Variants in JMJD1C observed in about 807,000 individuals in gnomAD.
JMJD1C encodes the protein jumonji domain containing 1C, also known as jumonji domain-containing protein 1C.
In JMJD1C, 31 loss-of-function variants were observed where a neutral mutation model predicts 245.3. That is an observed-to-expected ratio of 0.13 (90% CI 0.09 to 0.17). The LOEUF is 0.17. Ranked by LOEUF, JMJD1C falls within the 10% of genes least tolerant of loss-of-function variation. The probability of loss-of-function intolerance (pLI) is 1.00; values close to 1 mark genes in which losing one functional copy is unlikely to be tolerated. For missense variants in JMJD1C, 2,691 were observed against 3,000.2 expected (o/e 0.90, Z 2.41); for synonymous variants, 1,057 against 1,017.4 (o/e 1.04, Z -0.74).
At chr10:63,211,464 CAAAAA>C (rs71025124) in intron 8 of JMJD1C, among the ~76,000 whole-genome samples, 1 of 103,444 alleles carries the variant, frequency 9.7e-6, no homozygotes. Context: ...GACTCCATCT[CAAAAA>C]AAAAAAAAAA....
chr10:63,315,992 G>A lies in JMJD1C; in HGVS notation c.334-51228C>T, dbSNP rs190307630. Among the ~76,000 whole-genome samples the A allele has an allele frequency of 3.3e-4, 50 of 151,938 alleles. No individual in the cohort carries two copies. The East Asian group carries it at 8.9e-3, about 27-fold the overall frequency. On this transcript the variant is annotated intron_variant, in intron 2 of 25. Coordinates refer to ENST00000399262, the MANE Select transcript of JMJD1C (RefSeq NM_032776.3). ...AAAATAAGCCCTGGCAAAATAGTGA[G>A]ACCCCTGTCTCCTTAAAAAATAAAA...
chr10:63,221,560 T>C (rs1345210523), intron 3 of JMJD1C, among the ~76,000 whole-genome samples: 2 of 152,160 alleles, frequency 1.3e-5, no homozygotes, highest in African/African-American at 4.8e-5. Flanking sequence ...AAATGGGCAT[T>C]AACATGTCTT....
intron 1 of JMJD1C, among the ~76,000 whole-genome samples, chr10:63,389,732 A>G (rs917028332): frequency 2.0e-5 from 3 of 152,160 alleles, no homozygotes; most frequent in African/African-American, 7.2e-5. Flanking sequence ...AGAAATCAAC[A>G]AAGAGGAACT....
At chr10:63,247,717 G>A (rs1488514848) in intron 3 of JMJD1C, among the ~76,000 whole-genome samples, 4 of 19,746 alleles carry the variant, frequency 2.0e-4, no homozygotes, top group African/African-American at 6.3e-4. Context: ...GGGTGACAGA[G>A]CCAAAAAAAA....
At chr10:63,260,302 T>C (rs1201885800) in intron 3 of JMJD1C, among the ~76,000 whole-genome samples, 1 of 152,104 alleles carries the variant, frequency 6.6e-6, no homozygotes, top group Admixed American at 6.5e-5. Context: ...GCCAGGTTAG[T>C]TGGTATGAAT....
At chr10:63,440,078 A>C (rs1951279739) in intron 1 of JMJD1C, among the ~76,000 whole-genome samples, 1 of 152,182 alleles carries the variant, frequency 6.6e-6, no homozygotes, top group Non-Finnish European at 1.5e-5. Context: ...TTTTTCAGTA[A>C]CTATTGCCCA....
intron 1 of JMJD1C, among the ~76,000 whole-genome samples, chr10:63,384,895 T>C (rs764532468): frequency 1.3e-5 from 2 of 152,210 alleles, no homozygotes; most frequent in Non-Finnish European, 2.9e-5. Flanking sequence ...AATAACAACT[T>C]GTCTAACTGT....
chr10:63,236,964 C>T (rs1850801250), intron 3 of JMJD1C, among the ~76,000 whole-genome samples: 1 of 123,546 alleles, frequency 8.1e-6, no homozygotes, highest in Non-Finnish European at 1.7e-5. Context: ...TATTTAAAAA[C>T]AACTAATATT....
chr10:63,521,657 G>A, intron 1 of JMJD1C: 3 of 1,096,474 alleles, frequency 2.7e-6, no homozygotes, highest in Non-Finnish European at 3.6e-6. Context: ...GAGAGGAAAG[G>A]GAAGGCCTGG....
In JMJD1C at chr10:63,300,757, T is replaced by C. The variant is rs186262489; in HGVS notation, c.334-35993A>G. Among the ~76,000 whole-genome samples the C allele has an allele frequency of 2.4e-3, 364 of 152,114 alleles. 2 individuals are homozygous for C. In the South Asian group the frequency reaches 0.029, roughly 12 times the overall value. ...AAGTACAAAAATTAGCTGGATGCTG[T>C]GGCATGCACCTGTAGTCCCAGCTAC... On this transcript the variant is annotated intron_variant, in intron 2 of 25. Transcript: ENST00000399262.
At chr10:63,458,764 C>T (rs1952587693) in intron 1 of JMJD1C, among the ~76,000 whole-genome samples, 2 of 150,200 alleles carry the variant, frequency 1.3e-5, no homozygotes, top group Admixed American at 6.7e-5. Flanking sequence ...CACTTTGTCA[C>T]CCAGGCTAGA....
chr10:63,190,438 G>A (rs1176521432), intron 17 of JMJD1C, among the ~76,000 whole-genome samples: 3 of 152,252 alleles, frequency 2.0e-5, no homozygotes, highest in East Asian at 3.9e-4. Context: ...TCCTGACCTC[G>A]TGATCCAGCC....
intron 2 of JMJD1C, among the ~76,000 whole-genome samples, chr10:63,376,663 A>C (rs1367517358): frequency 6.6e-6 from 1 of 152,240 alleles, no homozygotes; most frequent in African/African-American, 2.4e-5. Context: ...GCCAAGAAGC[A>C]CATGAAAAGA....
intron 2 of JMJD1C, among the ~76,000 whole-genome samples, chr10:63,378,433 T>C (rs1946946986): frequency 6.6e-6 from 1 of 151,418 alleles, no homozygotes. Flanking sequence ...CTACTGAAAA[T>C]ACAAAAAAAT....
chr10:63,245,806 C>G (rs192149849), intron 3 of JMJD1C, among the ~76,000 whole-genome samples: 1 of 152,166 alleles, frequency 6.6e-6, no homozygotes. Flanking sequence ...TTAAAGCCAT[C>G]AGATCTCGTG....
At chr10:63,469,222 A>G (rs1953413016), upstream of JMJD1C, among the ~76,000 whole-genome samples, 1 of 152,236 alleles carries the variant, frequency 6.6e-6, no homozygotes, top group African/African-American at 2.4e-5. Context: ...TCTAACACAG[A>G]CAAAAAGTTT....
chr10:63,380,825 G>C (rs1280297478), intron 1 of JMJD1C, among the ~76,000 whole-genome samples: 1 of 152,194 alleles, frequency 6.6e-6, no homozygotes, highest in Admixed American at 6.5e-5. Flanking sequence ...TGGTGGGAAT[G>C]TAAATTAGTA....
At chr10:63,515,085 C>T (rs958005862) in intron 1 of JMJD1C, among the ~76,000 whole-genome samples, 1 of 152,168 alleles carries the variant, frequency 6.6e-6, no homozygotes, top group East Asian at 1.9e-4. Context: ...CTGTGACCTT[C>T]CACCAGCATT....
intron 2 of JMJD1C, among the ~76,000 whole-genome samples, chr10:63,336,901 C>T (rs1247085435): frequency 2.0e-5 from 3 of 152,052 alleles, no homozygotes; most frequent in East Asian, 3.9e-4. Context: ...AGTGCAGTTG[C>T]GTGATTTTGG....
Sources: gnomAD v4.1 joint callset for allele counts (sites outside exome capture counted in the v4.1 genomes callset) on GRCh38, gnomAD v4.1.1 for gene constraint, MANE v1.5 for transcripts, NCBI Gene and HGNC (gene_info 2026-07-23, HGNC 2026-07-21) for gene names.